ABCA4: variants seen among roughly 807,000 people sequenced by gnomAD.
ABCA4 encodes the protein ATP binding cassette subfamily A member 4.
In ABCA4, 196 loss-of-function variants were observed where a neutral mutation model predicts 263.7. That is an observed-to-expected ratio of 0.74 (90% CI 0.66 to 0.84). ABCA4 has a LOEUF of 0.84. Ranked by LOEUF, ABCA4 falls within the 40% of genes least tolerant of loss-of-function variation. The pLI is 0.00. For missense variants in ABCA4, 2,792 were observed against 2,855.1 expected, an observed-to-expected ratio of 0.98 and a Z score of 0.50; for synonymous variants, 1,133 against 1,094.2, an observed-to-expected ratio of 1.04 and a Z score of -0.70.
intron 18 of ABCA4, among the ~76,000 whole-genome samples, chr1:94,048,347 C>A (rs1382869176): frequency 6.6e-6 from 1 of 152,238 alleles, no homozygotes; most frequent in African/African-American, 2.4e-5. Context: ...ACTTGTAAAT[C>A]TGGGTCGTCA....
At chr1:94,070,791 A>G (rs944420590) in intron 11 of ABCA4, among the ~76,000 whole-genome samples, 2 of 152,168 alleles carry the variant, frequency 1.3e-5, no homozygotes, top group Non-Finnish European at 2.9e-5. Context: ...CCAGGTGGGA[A>G]GCCTGGGGCA....
chr1:94,004,521 A>G (rs1306557143), intron 44 of ABCA4, among the ~76,000 whole-genome samples: 2 of 152,220 alleles, frequency 1.3e-5, no homozygotes, highest in Non-Finnish European at 2.9e-5. Flanking sequence ...GAGGATATAG[A>G]GTCAAACACT....
At chr1:94,091,814 C>A (rs1030441317) in intron 6 of ABCA4, among the ~76,000 whole-genome samples, 4 of 152,228 alleles carry the variant, frequency 2.6e-5, no homozygotes, top group Non-Finnish European at 5.9e-5. Context: ...AGGCCTTGAT[C>A]CTGTGCTTAA....
At chr1:94,105,014 C>T (rs1453761846) in intron 4 of ABCA4, among the ~76,000 whole-genome samples, 3 of 152,256 alleles carry the variant, frequency 2.0e-5, no homozygotes, top group South Asian at 2.1e-4. Context: ...CACATGCACA[C>T]GCACGCATAT....
chr1:94,023,299 G>T, intron 32 of ABCA4, 87 bp downstream of exon 32: 1 of 1,146,236 alleles, frequency 8.7e-7, no homozygotes, highest in Non-Finnish European at 1.3e-6. Flanking sequence ...CCTCCTCATG[G>T]CTGTGAGGTG....
intron 1 of ABCA4, among the ~76,000 whole-genome samples, chr1:94,113,318 A>G (rs990934469): frequency 6.6e-6 from 1 of 152,230 alleles, no homozygotes; most frequent in East Asian, 1.9e-4. Flanking sequence ...CTGCATTAGC[A>G]TGAGACTTTC....
chr1:94,116,624 C>G (rs541558121), intron 1 of ABCA4, among the ~76,000 whole-genome samples: 52 of 152,318 alleles, frequency 3.4e-4, no homozygotes, highest in Admixed American at 3.1e-3. Context: ...ACCAGCCATT[C>G]TTTTCCTAGC....
chr1:94,019,019 GTTTTTTTTT>G (rs757258025), intron 36 of ABCA4, among the ~76,000 whole-genome samples: 1 of 76,430 alleles, frequency 1.3e-5, no homozygotes. Context: ...AAACAACCAG[GTTTTTTTTT>G]TTTTTTTTTT....
intron 40 of ABCA4, 161 bp downstream of exon 40, chr1:94,010,639 C>T (rs756347273): frequency 9.7e-7 from 1 of 1,033,692 alleles, no homozygotes; most frequent in East Asian, 2.6e-5. Flanking sequence ...CTATTTTAAC[C>T]CGATCCTCTA....
intron 11 of ABCA4, among the ~76,000 whole-genome samples, chr1:94,074,447 G>A (rs770315772): frequency 3.3e-5 from 5 of 152,190 alleles, no homozygotes; most frequent in African/African-American, 9.6e-5. Context: ...CAGGACATAC[G>A]CATGGGCAAA....
In ABCA4 at chr1:94,109,753, G is replaced by A. The variant is rs191374559; in HGVS notation, c.303-1037C>T. Among the ~76,000 whole-genome samples, 517 of 152,272 alleles carry A rather than the reference G, an allele frequency of 3.4e-3. 8 individuals are homozygous for A. Among genetic ancestry groups the A allele is most frequent in the Non-Finnish European group, 1.9e-3 (127 of 68,030 alleles). On this transcript the variant is annotated intron_variant, in intron 3 of 49. Coordinates refer to ENST00000370225, the MANE Select transcript of ABCA4 (RefSeq NM_000350.3). ...TCCTGAGCCCCGCCTTGCTGCCCTT[G>A]GCTCTGTGAGAATGTCTAGTATCCA...
At chr1:94,010,652 T>C (rs777323638) in intron 40 of ABCA4, 148 bp downstream of exon 40, 2 of 1,140,210 alleles carry the variant, frequency 1.8e-6, no homozygotes, top group Non-Finnish European at 2.6e-6. Context: ...ATCCTCTACT[T>C]GTATTATTGG....
At chr1:94,014,375 GAGGA>G (rs372109426) in intron 38 of ABCA4, among the ~76,000 whole-genome samples, 164 bp downstream of exon 38, 204 of 136,478 alleles carry the variant, frequency 1.5e-3, no homozygotes, top group Middle Eastern at 3.6e-3. Flanking sequence ...GGAAGGATGG[GAGGA>G]AGGAAGGAAG....
chr1:93,995,995 G>C, intron 49 of ABCA4, 114 bp downstream of exon 49: 1 of 889,020 alleles, frequency 1.1e-6, no homozygotes, highest in East Asian at 2.6e-5. Context: ...GTGTGGGTGG[G>C]GCTCTCTGTA....
At position 94,080,557 on chromosome 1, in the gene ABCA4, A is replaced by C. The variant is rs776269194; in HGVS notation, c.1020T>G (p.Tyr340Ter). The C allele has an allele frequency of 6.2e-7, 1 of 1,614,036 alleles. No homozygotes were observed. The highest frequency in any genetic ancestry group is 8.5e-7 in the Non-Finnish European group (1 of 1,180,036). Reference sequence around the variant, plus strand: ...GAAAGGCCTTATAGTTATTGTCTTCATACCAGTTGAAGGAGAGCACCCGAG... The same window carrying C: ...GAAAGGCCTTATAGTTATTGTCTTCCTACCAGTTGAAGGAGAGCACCCGAG... ...GGSRVLSFNW[Y>*]EDNNYKAFLG... Residue 340 changes from tyrosine to a stop codon, truncating the protein, a stop_gained, in exon 8 of 50, where the codon TAT (tyrosine) becomes TAG (stop). Transcript: ENST00000370225. LOFTEE classifies it high-confidence loss of function.
intron 20 of ABCA4, 128 bp from the exon 21 acceptor site, chr1:94,043,603 A>G (rs1400877723): frequency 1.4e-5 from 18 of 1,297,038 alleles, no homozygotes; most frequent in Non-Finnish European, 1.9e-5. Flanking sequence ...GGTGGTGTTT[A>G]TGATACAATA....
intron 1 of ABCA4, among the ~76,000 whole-genome samples, chr1:94,115,046 C>T (rs895450252): frequency 6.6e-6 from 1 of 152,206 alleles, no homozygotes; most frequent in African/African-American, 2.4e-5. Flanking sequence ...AGGTCACCAA[C>T]AGTCTGTAGA....
At chr1:94,029,086 A>G (rs1311413006) in intron 30 of ABCA4, among the ~76,000 whole-genome samples, 1 of 145,922 alleles carries the variant, frequency 6.9e-6, no homozygotes, top group Non-Finnish European at 1.5e-5. Context: ...ACCAAACATT[A>G]TCTGTGTTTA....
rs530520599 is a variant in ABCA4 at position 94,111,680 on chromosome 1, T to A, written c.161-101A>T. On this transcript the variant is annotated intron_variant, in intron 2 of 49. Coordinates refer to ENST00000370225, the MANE Select transcript of ABCA4 (RefSeq NM_000350.3). Reference sequence around the variant, plus strand: ...TTTTGGGAAGGGGCCCGGGCCCCTCTGATGTCCTCCTTCATTCTCAGCATT... The same window carrying A: ...TTTTGGGAAGGGGCCCGGGCCCCTCAGATGTCCTCCTTCATTCTCAGCATT... 13 of 1,335,698 alleles carry A rather than the reference T, an allele frequency of 9.7e-6. No homozygotes were observed. The African/African-American group carries it at 1.9e-4, about 19-fold the overall frequency. The allele number at this position is 1,335,698 out of a possible 1,614,324, so 82.7% of individuals were successfully genotyped here. A position where few individuals can be genotyped will look rare whatever the true frequency, so the allele number is the denominator to read the frequency against.
Sources: gnomAD v4.1 joint callset for allele counts (sites outside exome capture counted in the v4.1 genomes callset) on GRCh38, gnomAD v4.1.1 for gene constraint, MANE v1.5 for transcripts, NCBI Gene and HGNC (gene_info 2026-07-23, HGNC 2026-07-21) for gene names.